Variants in MAST4 observed in about 807,000 individuals in gnomAD.
The protein encoded by MAST4 is microtubule-associated serine/threonine-protein kinase 4.
Under a neutral mutation model 162.7 loss-of-function variants are expected in MAST4, and 89 were observed. That is an observed-to-expected ratio of 0.55 (90% CI 0.46 to 0.65). The LOEUF is 0.65. Among genes scored for constraint, MAST4 ranks in the 30% least tolerant of loss-of-function variants. The pLI is 0.00. For missense variants in MAST4, 3,153 were observed against 3,374.0 expected, an observed-to-expected ratio of 0.93 and a Z score of 1.62; for synonymous variants, 1,479 against 1,361.1, an observed-to-expected ratio of 1.09 and a Z score of -1.91.
At chr5:66,705,634 A>G (rs1750080047) in intron 1 of MAST4, among the ~76,000 whole-genome samples, 1 of 152,220 alleles carries the variant, frequency 6.6e-6, no homozygotes, top group African/African-American at 2.4e-5. Context: ...TTTTGTAGCC[A>G]TATGCCTGGC....
At position 67,163,328 on chromosome 5, in the gene MAST4, C is replaced by T. The variant is rs1211959331; in HGVS notation, c.4149C>T (p.Pro1383=). 1.2e-6 allele frequency: 2 copies of T among 1,612,922 alleles called. No homozygotes were observed. Among genetic ancestry groups the T allele is most frequent in the East Asian group, 2.2e-5 (1 of 44,842 alleles). Residue 1383 remains proline (P), a synonymous_variant, in exon 29 of 29, where the codon CCC becomes CCT. Coordinates refer to ENST00000403625, the MANE Select transcript of MAST4 (RefSeq NM_001164664.2). This position sits in a 1 kb window ranked among gnomAD's most constrained non-coding sequence, Gnocchi z 7.0. ...NIPLSPLART[P]SPTPQPTSPQ... ...CACTGTCCCCGCTGGCCCGGACGCCCTCTCCAACCCCGCAACCCACCTCCC... is the reference window on the plus strand; with the variant it reads ...CACTGTCCCCGCTGGCCCGGACGCCTTCTCCAACCCCGCAACCCACCTCCC...
chr5:67,142,817 C>A (rs1770566293), intron 21 of MAST4: 1 of 286,014 alleles, frequency 3.5e-6, no homozygotes, highest in African/African-American at 2.2e-5. Context: ...TTCAGGAACC[C>A]CGGCACCAAT....
chr5:67,079,284 A>G (rs934594555), intron 5 of MAST4, among the ~76,000 whole-genome samples: 2 of 152,134 alleles, frequency 1.3e-5, no homozygotes, highest in Admixed American at 6.6e-5. Flanking sequence ...CTGAAAGGTG[A>G]TAATAGAGAT....
At chr5:66,851,479 C>G (rs1759309290) in intron 3 of MAST4, among the ~76,000 whole-genome samples, 2 of 152,172 alleles carry the variant, frequency 1.3e-5, no homozygotes, top group Admixed American at 6.6e-5. Flanking sequence ...CATAAGGATG[C>G]CTTGAGTAGC....
chr5:66,673,560 T>A (rs1747759109), intron 1 of MAST4, among the ~76,000 whole-genome samples: 1 of 148,878 alleles, frequency 6.7e-6, no homozygotes, highest in Non-Finnish European at 1.5e-5. Context: ...AGAGTCTTGC[T>A]CTGTCACCCA....
intron 4 of MAST4, chr5:66,959,085 C>T (rs1373010134): frequency 2.4e-5 from 15 of 629,060 alleles, no homozygotes; most frequent in East Asian, 5.5e-5. Context: ...CTCTTGATTA[C>T]GGCTAGAGGT....
At chr5:66,751,949 G>A (rs1393801246) in intron 1 of MAST4, among the ~76,000 whole-genome samples, 4 of 151,260 alleles carry the variant, frequency 2.6e-5, no homozygotes, top group Non-Finnish European at 1.5e-5. Context: ...GGATCTCTGG[G>A]CAGAAACCCT....
intron 1 of MAST4, among the ~76,000 whole-genome samples, chr5:66,691,789 C>CATAA (rs1467182044): frequency 6.6e-6 from 1 of 152,128 alleles, no homozygotes; most frequent in Non-Finnish European, 1.5e-5. Flanking sequence ...CCTCCTAATA[C>CATAA]TATCGCATTG....
In MAST4 at chr5:67,166,041, C is replaced by G. The variant is rs367994508; in HGVS notation, c.6862C>G (p.Pro2288Ala). 24 of 1,613,738 alleles carry G rather than the reference C, an allele frequency of 1.5e-5. No individual in the cohort carries two copies. The highest frequency in any genetic ancestry group is 4.2e-6 in the Non-Finnish European group (5 of 1,179,882). Residue 2288 changes from proline to alanine, a missense_variant, in exon 29 of 29, where the codon CCC becomes GCC. Pro to Ala is a conservative substitution (Grantham distance 27). Coordinates refer to ENST00000403625, the MANE Select transcript of MAST4 (RefSeq NM_001164664.2). Reference protein sequence around the residue: ...DRAPLDAKPQPTSGGRPLEVL... With the variant: ...DRAPLDAKPQATSGGRPLEVL... ...GGCTCCTCTAGACGCCAAGCCACAA[C>G]CCACCAGTGGTGGGCGGCCCCTGGA...
chr5:66,830,756 C>T (rs192451581), intron 3 of MAST4, among the ~76,000 whole-genome samples: 1 of 152,252 alleles, frequency 6.6e-6, no homozygotes, highest in East Asian at 1.9e-4. Context: ...AAACTATTTA[C>T]AGAATACACA....
chr5:66,597,609 G>A (rs1262418788), intron 1 of MAST4, among the ~76,000 whole-genome samples: 1 of 152,176 alleles, frequency 6.6e-6, no homozygotes, highest in East Asian at 1.9e-4. Context: ...TGGCGCTGGC[G>A]TGCGCGCCTG....
chr5:67,041,775 T>G (rs1756774409), intron 4 of MAST4, among the ~76,000 whole-genome samples: 1 of 152,172 alleles, frequency 6.6e-6, no homozygotes. Context: ...ATTACAGGCC[T>G]GTGCCACCAC....
chr5:67,091,717 C>A (rs904975107), intron 6 of MAST4, among the ~76,000 whole-genome samples: 1 of 152,020 alleles, frequency 6.6e-6, no homozygotes, highest in Non-Finnish European at 1.5e-5. Context: ...TTAATCCTGG[C>A]AGATTTATAA....
intron 1 of MAST4, among the ~76,000 whole-genome samples, chr5:66,663,622 G>A (rs1164024196): frequency 6.6e-6 from 1 of 152,142 alleles, no homozygotes; most frequent in Non-Finnish European, 1.5e-5. Context: ...AAAGGAGCAT[G>A]TCTGACTTCT....
chr5:67,152,710 A>C lies in MAST4; in HGVS notation c.3369A>C (p.Arg1123=). ...HSLSSDPSSS[R]DSSPSRDSSA... is the part of the protein sequence containing the mutation. ...TGTCCTCGGACCCTTCTTCTTCACG[A>C]GATTCCTCTCCCAGCCGAGATTCCT... Residue 1123 remains arginine, a synonymous_variant, in exon 25 of 29, where the codon CGA becomes CGC. Transcript: ENST00000403625. 1 of 1,614,024 alleles carries C rather than the reference A, an allele frequency of 6.2e-7. No individual in the cohort carries two copies. Among genetic ancestry groups the C allele is most frequent in the Non-Finnish European group, 8.5e-7 (1 of 1,179,898 alleles).
intron 1 of MAST4, among the ~76,000 whole-genome samples, chr5:66,682,709 G>C (rs1748409290): frequency 6.6e-6 from 1 of 152,132 alleles, no homozygotes; most frequent in African/African-American, 2.4e-5. Context: ...GAAGGGGTAG[G>C]GAACAAATAA....
intron 5 of MAST4, among the ~76,000 whole-genome samples, chr5:67,082,189 G>A (rs181728881): frequency 1.5e-4 from 20 of 135,294 alleles, no homozygotes; most frequent in South Asian, 6.8e-4. Flanking sequence ...TCACTCTGTC[G>A]TCAGGCTGGA....
intron 23 of MAST4, among the ~76,000 whole-genome samples, chr5:67,146,557 G>A (rs12516375): frequency 0.79 from 120,426 of 152,162 alleles, 47,711 homozygotes; most frequent in Admixed American, 0.83. Context: ...AAGATTTTTC[G>A]TCAACATTTT....
At chr5:66,690,663 C>T (rs1748981809) in intron 1 of MAST4, among the ~76,000 whole-genome samples, 1 of 152,168 alleles carries the variant, frequency 6.6e-6, no homozygotes. Context: ...GAAGAAAACA[C>T]CGTCATTTAA....
Sources: gnomAD v4.1 joint callset for allele counts (sites outside exome capture counted in the v4.1 genomes callset) on GRCh38, gnomAD v4.1.1 for gene constraint, Gnocchi (gnomAD v3.1) non-coding constraint, MANE v1.5 for transcripts, NCBI Gene and HGNC (gene_info 2026-07-23, HGNC 2026-07-21) for gene names.